RRP1: variants seen among roughly 807,000 people sequenced by gnomAD.
The protein encoded by RRP1 is ribosomal RNA processing protein 1 homolog A.
A neutral mutation model predicts 54.6 loss-of-function variants in RRP1; 37 were observed. That is an observed-to-expected ratio of 0.68 (90% CI 0.52 to 0.89). The LOEUF is 0.89. Ranked by LOEUF, RRP1 falls within the 40% of genes least tolerant of loss-of-function variation. The pLI is 0.00. For missense variants in RRP1, 639 were observed against 612.5 expected, an observed-to-expected ratio of 1.04 and a Z score of -0.46; for synonymous variants, 262 against 244.3, an observed-to-expected ratio of 1.07 and a Z score of -0.67.
At chr21:43,803,031 C>T (rs2085109575) in intron 12 of RRP1, among the ~76,000 whole-genome samples, 1 of 152,232 alleles carries the variant, frequency 6.6e-6, no homozygotes. Flanking sequence ...TTCCCTGTTA[C>T]TCTCTCCATG....
chr21:43,803,697 C>G lies in RRP1; in HGVS notation c.1309C>G (p.Pro437Ala). ...AGGGGCTCGCCAGAGAAGGAGGACA[C>G]CTCGGCCCCTGACCAGTGCCCGAGC... ...QRGARQRRRT[P>A]RPLTSARAKA... Residue 437 changes from proline to alanine, a missense_variant, in exon 13 of 13, where the codon CCT becomes GCT. Pro to Ala is a conservative substitution (Grantham distance 27). Coordinates refer to ENST00000497547, the MANE Select transcript of RRP1 (RefSeq NM_003683.6). 6.4e-7 allele frequency: 1 copy of G among 1,554,888 alleles called. No individual in the cohort carries two copies. The highest frequency in any genetic ancestry group is 8.7e-7 in the Non-Finnish European group (1 of 1,149,526).
At chr21:43,801,049 C>T (rs1472567498) in intron 11 of RRP1, among the ~76,000 whole-genome samples, 168 bp downstream of exon 11, 4 of 152,132 alleles carry the variant, frequency 2.6e-5, no homozygotes, top group South Asian at 2.1e-4. Flanking sequence ...CCACAGCTCT[C>T]GTTTTTGTGG....
At chr21:43,799,763 A>G (rs2085065174) in intron 9 of RRP1, 114 bp downstream of exon 9, 1 of 975,988 alleles carries the variant, frequency 1.0e-6, no homozygotes. Flanking sequence ...TGGCATGGAG[A>G]GTTACCCGGA....
At chr21:43,790,417 C>G (rs981568401) in intron 1 of RRP1, 1 of 152,852 alleles carries the variant, frequency 6.5e-6, no homozygotes, top group African/African-American at 2.4e-5. Context: ...GAAAGAAATG[C>G]AAGTTCTAGG....
intron 12 of RRP1, 152 bp from the exon 13 acceptor site, chr21:43,803,360 G>A (rs936523437): frequency 8.4e-6 from 9 of 1,076,878 alleles, no homozygotes; most frequent in Admixed American, 5.7e-5. Context: ...GGAGCTTGGC[G>A]CCCACACTGG....
intron 12 of RRP1, among the ~76,000 whole-genome samples, chr21:43,803,158 T>C (rs1053670310): frequency 1.3e-5 from 2 of 152,272 alleles, no homozygotes; most frequent in Admixed American, 6.5e-5. Context: ...AGCCGGCCCT[T>C]GGCTGTGTGA....
At chr21:43,791,131 C>G (rs191525490) in intron 1 of RRP1, 9 of 624,332 alleles carry the variant, frequency 1.4e-5, no homozygotes, top group South Asian at 1.2e-4. Context: ...TTACTGTGTG[C>G]GTGAAGTAGC....
At chr21:43,791,289 T>A in intron 1 of RRP1, 61 bp from the exon 2 acceptor site, 1 of 1,566,362 alleles carries the variant, frequency 6.4e-7, no homozygotes, top group Non-Finnish European at 8.8e-7. Context: ...TTCTGTGGCT[T>A]CCTTTCTGGC....
chr21:43,795,304 C>T (rs190487242), intron 5 of RRP1, 54 bp downstream of exon 5: 546 of 1,544,346 alleles, frequency 3.5e-4, no homozygotes, highest in Middle Eastern at 2.9e-3. Flanking sequence ...GGACCGCAGT[C>T]GTGTTTGTCA....
In RRP1 at chr21:43,804,724, G is replaced by A. The variant is rs1371655439; in HGVS notation, c.*950G>A. The stretch of plus-strand genomic sequence containing the variant: ...CGTGTGGGATCCAGCGAGAGGCCAG[G>A]GCTTGGAGTGGGCCTGGGACCAGGA... On this transcript the variant is annotated 3_prime_UTR_variant, in exon 13 of 13. Transcript: ENST00000497547. The surrounding 1 kb of genome is among the most constrained non-coding windows in gnomAD (Gnocchi z 4.3). 6.6e-6 allele frequency: 1 copy of A among 152,424 alleles called. No individual in the cohort carries two copies. The highest frequency in any genetic ancestry group is 1.5e-5 in the Non-Finnish European group (1 of 68,198). 9.4% of individuals were successfully genotyped at this position (152,424 alleles called of 1,614,324 possible).
At position 43,803,509 on chromosome 21, in the gene RRP1, C is replaced by T. The variant is rs1351589380; in HGVS notation, c.1124-3C>T. The T allele has an allele frequency of 1.3e-6, 2 of 1,545,264 alleles. No individual in the cohort carries two copies. Among genetic ancestry groups the T allele is most frequent in the Non-Finnish European group, 8.8e-7 (1 of 1,141,622 alleles). ...GGCTCATGGGGTCTTGCTGTTTTGT[C>T]AGGGAAAGGTGAGAAGGAGCCCCCG... On this transcript the variant is annotated splice_polypyrimidine_tract_variant and splice_region_variant and intron_variant, in intron 12 of 12. Coordinates refer to ENST00000497547, the MANE Select transcript of RRP1 (RefSeq NM_003683.6).
intron 1 of RRP1, 127 bp downstream of exon 1, chr21:43,789,889 C>G: frequency 8.4e-7 from 1 of 1,192,770 alleles, no homozygotes; most frequent in Non-Finnish European, 1.1e-6. Flanking sequence ...GCCGGGCAGG[C>G]GGGGTCCACT....
At position 43,803,780 on chromosome 21, in the gene RRP1, C is replaced by T. The variant is rs771287629; in HGVS notation, c.*6C>T. The T allele has an allele frequency of 2.5e-6, 4 of 1,570,418 alleles. No individual in the cohort carries two copies. In the South Asian group the frequency reaches 3.5e-5, roughly 14 times the overall value. On this transcript the variant is annotated 3_prime_UTR_variant, in exon 13 of 13. Coordinates refer to ENST00000497547, the MANE Select transcript of RRP1 (RefSeq NM_003683.6). ...AGAAGAAACGCAGGGAGTGATGTGG[C>T]CGGGCCAAGGACAGGCAGGGAGGGA...
chr21:43,789,745 G>C lies in RRP1; in HGVS notation c.116G>C (p.Arg39Thr), dbSNP rs2084937274. The C allele has an allele frequency of 6.6e-7, 1 of 1,524,016 alleles. No individual in the cohort carries two copies. The highest frequency in any genetic ancestry group is 8.8e-7 in the Non-Finnish European group (1 of 1,134,682). 94.4% of individuals were successfully genotyped at this position (1,524,016 alleles called of 1,614,324 possible). Residue 39 changes from arginine to threonine, a missense_variant, in exon 1 of 13, where the codon AGG becomes ACG. Coordinates refer to ENST00000497547, the MANE Select transcript of RRP1 (RefSeq NM_003683.6). ...AAGCTCCGGAAATACATCGTCGCCA[G>C]GACTCAGCGGGCCGCAGGTTGGCGG... Reference protein sequence around the residue: ...VRKLRKYIVARTQRAAGGFTH... With the variant: ...VRKLRKYIVATTQRAAGGFTH...
chr21:43,789,682 C>A lies in RRP1; in HGVS notation c.53C>A (p.Ala18Glu). 6.4e-7 allele frequency: 1 copy of A among 1,569,730 alleles called. No individual in the cohort carries two copies. The highest frequency in any genetic ancestry group is 8.6e-7 in the Non-Finnish European group (1 of 1,158,850). ...GAGATCCAGCTGGCTCAGCGCCTGG[C>A]GGGGAATGAGCAGGTGACCCGGGAC... ...PPEIQLAQRL[A>E]GNEQVTRDRA... The change falls in exon 1 of 13, where the codon GCG becomes GAG. Residue 18 changes from alanine (A) to glutamate (E), a missense_variant. Coordinates refer to ENST00000497547, the MANE Select transcript of RRP1 (RefSeq NM_003683.6).
At chr21:43,790,211 G>C (rs2084942550) in intron 1 of RRP1, among the ~76,000 whole-genome samples, 1 of 152,210 alleles carries the variant, frequency 6.6e-6, no homozygotes, top group South Asian at 2.1e-4. Flanking sequence ...CATGGTACCA[G>C]GTGGTTCTCC....
intron 8 of RRP1, among the ~76,000 whole-genome samples, chr21:43,799,200 C>T (rs1042851654): frequency 1.3e-5 from 2 of 152,160 alleles, no homozygotes; most frequent in East Asian, 1.9e-4. Flanking sequence ...CCCTGAGGCT[C>T]CTCACTTCCA....
chr21:43,789,804 G>C, intron 1 of RRP1, 42 bp downstream of exon 1: 1 of 1,471,962 alleles, frequency 6.8e-7, no homozygotes, highest in Non-Finnish European at 9.0e-7. Context: ...GGGGCCGGCT[G>C]GGCTGGTGCG....
At chr21:43,803,446 G>A (rs2085112985) in intron 12 of RRP1, 66 bp from the exon 13 acceptor site, 2 of 1,477,428 alleles carry the variant, frequency 1.4e-6, no homozygotes. Flanking sequence ...CTCAGCCTGA[G>A]TTGGAGTAAG....
Sources: allele counts gnomAD v4.1 joint callset (sites outside exome capture counted in the v4.1 genomes callset), GRCh38; gene constraint gnomAD v4.1.1; non-coding constraint Gnocchi (gnomAD v3.1); transcripts MANE v1.5; gene names NCBI Gene and HGNC (gene_info 2026-07-23, HGNC 2026-07-21).